ZNF611: variants seen among roughly 807,000 people sequenced by gnomAD.
The protein encoded by ZNF611 is zinc finger protein 611.
A neutral mutation model predicts 8.9 loss-of-function variants in ZNF611; 6 were observed. The ratio of observed to expected loss-of-function variants is 0.68; its 90% CI spans 0.37 to 1.34. ZNF611 has a LOEUF of 1.34. Among genes scored for constraint, ZNF611 ranks in the 40% most tolerant of loss-of-function variants. The pLI, the probability that ZNF611 is intolerant of heterozygous loss-of-function variation, is 0.02. For synonymous variants in ZNF611, 262 were observed against 279.7 expected, an observed-to-expected ratio of 0.94 and a Z score of 0.63; for missense variants, 874 against 841.3, an observed-to-expected ratio of 1.04 and a Z score of -0.48.
At chr19:52,712,382 A>G (rs886505772) in intron 5 of ZNF611, among the ~76,000 whole-genome samples, 4 of 144,546 alleles carry the variant, frequency 2.8e-5, no homozygotes, top group African/African-American at 1.0e-4. Flanking sequence ...CATTAGGAAG[A>G]CGGGTGGGTG....
rs79264596 is a variant in ZNF611, at chr19:52,712,252, C to T, written c.190+1763G>A. Among the ~76,000 whole-genome samples the T allele has an allele frequency of 7.2e-3, 1,090 of 151,862 alleles. 14 individuals are homozygous for T. The highest frequency in any genetic ancestry group is 0.054 in the South Asian group (257 of 4,800). ...AAACAACTAAACTCCATGAAGAGTA[C>T]AGTAGAGCAATGTAGGAGACCATGG... is the stretch of plus-strand genomic sequence containing the variant. On this transcript the variant is annotated intron_variant, in intron 5 of 5. Coordinates refer to ENST00000652185, the MANE Select transcript of ZNF611 (RefSeq NM_001161499.2).
At chr19:52,717,802 G>C (rs1453463838) in intron 3 of ZNF611, 4 of 545,982 alleles carry the variant, frequency 7.3e-6, no homozygotes, top group African/African-American at 2.1e-5. Context: ...TAGGCTACTT[G>C]AACTAAATTT....
Position 52,705,649 on chromosome 19 carries a change from AG to A in ZNF611, c.1405del (p.Leu469TrpfsTer30). ...ACAGTCAATTCTAGTATGTTTTGCC[AG>A]TTGTGAACTCCACACAAAAGCCTTG... ...CDKAFVWSSQ[L>X]AKHTRIDCGE... On this transcript the variant is annotated frameshift_variant, in exon 6 of 6. Transcript: ENST00000652185. LOFTEE classifies it low-confidence loss of function (END_TRUNC). The A allele has an allele frequency of 3.7e-6, 6 of 1,613,824 alleles. No individual in the cohort carries two copies. The highest frequency in any genetic ancestry group is 5.1e-6 in the Non-Finnish European group (6 of 1,179,844).
intron 5 of ZNF611, among the ~76,000 whole-genome samples, chr19:52,713,475 G>A (rs377190257): frequency 9.9e-5 from 15 of 152,274 alleles, no homozygotes; most frequent in African/African-American, 3.1e-4. Context: ...CTGTGAGCCC[G>A]AATGATGTCC....
In ZNF611 at chr19:52,728,726, T is replaced by C. The variant is rs529909828; in HGVS notation, c.-20+4A>G. ...CTGTTTGAGATAGGGTGTAGCTCAC[T>C]CACCCAAGCTGGAGTGTGGTGGCAA... On this transcript the variant is annotated splice_donor_region_variant and intron_variant, in intron 3 of 5. Transcript: ENST00000652185. 1 of 153,086 alleles carries C rather than the reference T, an allele frequency of 6.5e-6. No homozygotes were observed. Among genetic ancestry groups the C allele is most frequent in the South Asian group, 2.1e-4 (1 of 4,874 alleles). 9.5% of individuals were successfully genotyped at this position (153,086 alleles called of 1,614,324 possible).
chr19:52,704,317 C>A lies in ZNF611; in HGVS notation c.*620G>T. ...TTTCTGATGTTCTGCATGGAGTGATCTTGGACTGAAGACCTTGCCACACTG... is the reference window on the plus strand; with the variant it reads ...TTTCTGATGTTCTGCATGGAGTGATATTGGACTGAAGACCTTGCCACACTG... On this transcript the variant is annotated 3_prime_UTR_variant, in exon 6 of 6. Coordinates refer to ENST00000652185, the MANE Select transcript of ZNF611 (RefSeq NM_001161499.2). 2 of 584,850 alleles carry A rather than the reference C, an allele frequency of 3.4e-6. No individual in the cohort carries two copies. Among genetic ancestry groups the A allele is most frequent in the South Asian group, 2.8e-5 (2 of 70,556 alleles). 36.2% of individuals were successfully genotyped at this position (584,850 alleles called of 1,614,324 possible). A position where few individuals can be genotyped will look rare whatever the true frequency, so the allele number is the denominator to read the frequency against.
At chr19:52,733,178 T>C (rs2062436152) in intron 1 of ZNF611, among the ~76,000 whole-genome samples, 1 of 152,176 alleles carries the variant, frequency 6.6e-6, no homozygotes, top group Non-Finnish European at 1.5e-5. Flanking sequence ...AATTTTAAAA[T>C]TCTCAATCTC....
rs2062238448 is a variant in ZNF611, at chr19:52,705,840, T to C, written c.1215A>G (p.Thr405=). 1 of 1,613,560 alleles carries C rather than the reference T, an allele frequency of 6.2e-7. No homozygotes were observed. Residue 405 remains threonine (T), a synonymous_variant, in exon 6 of 6, where the codon ACA becomes ACG. Coordinates refer to ENST00000652185, the MANE Select transcript of ZNF611 (RefSeq NM_001161499.2). Reference sequence around the variant, plus strand: ...CCAGCTGTGAATGCCACGTGAAAGCTGTGTCACAAACCTTACATCTGTATG... The same window carrying C: ...CCAGCTGTGAATGCCACGTGAAAGCCGTGTCACAAACCTTACATCTGTATG... ...EKPYRCKVCD[T]AFTWHSQLAR...
intron 4 of ZNF611, among the ~76,000 whole-genome samples, chr19:52,714,415 T>C (rs1477656112): frequency 6.6e-6 from 1 of 152,056 alleles, no homozygotes; most frequent in Non-Finnish European, 1.5e-5. Context: ...GGGCCAGGCA[T>C]GGCAGTTCAC....
intron 3 of ZNF611, among the ~76,000 whole-genome samples, chr19:52,722,881 T>A (rs1249455541): frequency 6.6e-6 from 1 of 151,378 alleles, no homozygotes; most frequent in Non-Finnish European, 1.5e-5. Flanking sequence ...CAGGTGCACA[T>A]TATCATGCCT....
At chr19:52,728,241 C>T (rs1485129019) in intron 3 of ZNF611, among the ~76,000 whole-genome samples, 1 of 146,826 alleles carries the variant, frequency 6.8e-6, no homozygotes, top group Non-Finnish European at 1.5e-5. Flanking sequence ...CCAAGTTCTT[C>T]AGAAATACAT....
At position 52,704,584 on chromosome 19, in the gene ZNF611, T is replaced by G; in HGVS notation, c.*353A>C. The G allele has an allele frequency of 1.9e-6, 3 of 1,550,478 alleles. No individual in the cohort carries two copies. The highest frequency in any genetic ancestry group is 1.1e-5 in the South Asian group (1 of 88,734). On this transcript the variant is annotated 3_prime_UTR_variant, in exon 6 of 6. Transcript: ENST00000652185. The stretch of plus-strand genomic sequence containing the variant: ...AATATGTGAACGATCTCTGAAAAAT[T>G]TGCCACATTTATTACACTTGTAAGA...
intron 3 of ZNF611, among the ~76,000 whole-genome samples, chr19:52,727,906 CCT>C (rs2062402198): frequency 7.8e-6 from 1 of 127,492 alleles, no homozygotes; most frequent in Non-Finnish European, 1.6e-5. Flanking sequence ...TTGTTGTGTG[CCT>C]TTTTTTTTTT....
At chr19:52,728,216 T>A (rs184074908) in intron 3 of ZNF611, among the ~76,000 whole-genome samples, 103 of 151,502 alleles carry the variant, frequency 6.8e-4, no homozygotes, top group Non-Finnish European at 1.4e-3. Flanking sequence ...GTTGTTTGCC[T>A]GTCAAAGTGA....
intron 1 of ZNF611, among the ~76,000 whole-genome samples, chr19:52,734,378 G>A (rs1340328582): frequency 6.6e-6 from 1 of 152,070 alleles, no homozygotes; most frequent in Non-Finnish European, 1.5e-5. Context: ...CATCCCGGAG[G>A]AGCGCATTTT....
At chr19:52,710,024 T>G (rs2062269561) in intron 5 of ZNF611, among the ~76,000 whole-genome samples, 1 of 152,182 alleles carries the variant, frequency 6.6e-6, no homozygotes, top group Non-Finnish European at 1.5e-5. Context: ...GATTTCCCAC[T>G]TTCCAGATTC....
chr19:52,721,766 CT>C (rs895026776), intron 3 of ZNF611, among the ~76,000 whole-genome samples: 4 of 151,430 alleles, frequency 2.6e-5, no homozygotes, highest in African/African-American at 9.7e-5. Flanking sequence ...AGAGGGAGAG[CT>C]TTTTTTTGTT....
At position 52,710,226 on chromosome 19, in the gene ZNF611, A is replaced by ATT. The variant is rs574509484; in HGVS notation, c.191-3364_191-3363dup. Reference sequence around the variant, plus strand: ...AGACACATGCCACCATGCCTGGCTAATTTTTTTTTTTTTTTTTTTTGGGAA... The same window carrying ATT: ...AGACACATGCCACCATGCCTGGCTAATTTTTTTTTTTTTTTTTTTTTTGGGAA... On this transcript the variant is annotated intron_variant, in intron 5 of 5. Coordinates refer to ENST00000652185, the MANE Select transcript of ZNF611 (RefSeq NM_001161499.2). 7.7e-4 allele frequency among the ~76,000 whole-genome samples: 102 copies of ATT among 132,532 alleles called. 1 individual carries two copies. The highest frequency in any genetic ancestry group is 2.5e-3 in the African/African-American group (90 of 36,264). The allele number at this position is 132,532 out of a possible 152,430, so 86.9% of individuals were successfully genotyped here. A position where few individuals can be genotyped will look rare whatever the true frequency, so the allele number is the denominator to read the frequency against.
At chr19:52,731,074 G>A (rs1267524269) in intron 1 of ZNF611, among the ~76,000 whole-genome samples, 11 of 151,252 alleles carry the variant, frequency 7.3e-5, no homozygotes, top group Admixed American at 5.9e-4. Flanking sequence ...TTTTTTTGGG[G>A]GTGGGGGAGA....
Sources: gnomAD v4.1 joint callset for allele counts (sites outside exome capture counted in the v4.1 genomes callset) on GRCh38, gnomAD v4.1.1 for gene constraint, MANE v1.5 for transcripts, NCBI Gene and HGNC (gene_info 2026-07-23, HGNC 2026-07-21) for gene names.